Variants in EDIL3 observed in about 807,000 individuals in gnomAD.
EDIL3 encodes the protein EGF-like repeat and discoidin I-like domain-containing protein 3.
A neutral mutation model predicts 67.4 loss-of-function variants in EDIL3; 37 were observed. The observed-to-expected ratio is 0.55, with a 90% confidence interval of 0.42 to 0.72. The LOEUF is 0.72. EDIL3 is among the 30% of genes least tolerant of loss of function. The probability of loss-of-function intolerance (pLI) is 0.00; values close to 1 mark genes in which losing one functional copy is unlikely to be tolerated. For synonymous variants in EDIL3, 195 were observed against 196.3 expected, an observed-to-expected ratio of 0.99 and a Z score of 0.05; for missense variants, 527 against 586.3, an observed-to-expected ratio of 0.90 and a Z score of 1.04.
chr5:84,103,506 C>G (rs891808356), intron 6 of EDIL3, among the ~76,000 whole-genome samples: 1 of 151,482 alleles, frequency 6.6e-6, no homozygotes, highest in African/African-American at 2.4e-5. Flanking sequence ...CTATAAGAAA[C>G]TTAAATTTTC....
chr5:84,288,476 T>C (rs1442551064), intron 1 of EDIL3, among the ~76,000 whole-genome samples: 1 of 152,186 alleles, frequency 6.6e-6, no homozygotes, highest in Non-Finnish European at 1.5e-5. Flanking sequence ...AATTCTAAAA[T>C]TTAGCAGGGA....
rs752117404 is a variant in EDIL3, at chr5:84,180,451, T to C, written c.297A>G (p.Thr99=). Residue 99 remains threonine (T), a synonymous_variant, in exon 4 of 11, where the codon ACA becomes ACG. Coordinates refer to ENST00000296591, the MANE Select transcript of EDIL3 (RefSeq NM_005711.5). Reference sequence around the variant, plus strand: ...GACATTTACAAACATAGCCTATGAATGTATCCCCTCGGTATGCTTCACTTA... The same window carrying C: ...GACATTTACAAACATAGCCTATGAACGTATCCCCTCGGTATGCTTCACTTA... ...CEISEAYRGD[T]FIGYVCKCPR... 19 of 1,610,094 alleles carry C rather than the reference T, an allele frequency of 1.2e-5. No individual in the cohort carries two copies. In the East Asian group the frequency reaches 4.2e-4, roughly 36 times the overall value.
chr5:84,089,320 T>C (rs557728187), intron 6 of EDIL3, among the ~76,000 whole-genome samples: 1 of 152,340 alleles, frequency 6.6e-6, no homozygotes, highest in Admixed American at 6.5e-5. Context: ...TTCTCCAAGT[T>C]AATCAAAAAG....
At chr5:84,380,595 C>T (rs918369322) in intron 1 of EDIL3, among the ~76,000 whole-genome samples, 2 of 152,020 alleles carry the variant, frequency 1.3e-5, no homozygotes, top group African/African-American at 2.4e-5. Context: ...CAGTAAACAA[C>T]AAATATCAGA....
intron 1 of EDIL3, among the ~76,000 whole-genome samples, chr5:84,306,170 T>TC (rs1306802221): frequency 6.6e-6 from 1 of 152,190 alleles, no homozygotes; most frequent in East Asian, 1.9e-4. Flanking sequence ...TATATTTTTT[T>TC]CACTGTTGGT....
At chr5:84,007,447 T>C (rs747881869) in intron 9 of EDIL3, among the ~76,000 whole-genome samples, 1 of 152,008 alleles carries the variant, frequency 6.6e-6, no homozygotes, top group Non-Finnish European at 1.5e-5. Flanking sequence ...AATAATCTGA[T>C]CAGAAAATGG....
chr5:84,297,287 C>A (rs895151235), intron 1 of EDIL3, among the ~76,000 whole-genome samples: 1 of 150,384 alleles, frequency 6.6e-6, no homozygotes, highest in African/African-American at 2.4e-5. Flanking sequence ...AAAAGCTTAA[C>A]ATCACTGATC....
chr5:84,048,849 G>A (rs373307744), intron 9 of EDIL3, among the ~76,000 whole-genome samples: 176 of 152,042 alleles, frequency 1.2e-3, no homozygotes, highest in African/African-American at 2.0e-3. Context: ...GTTTAGTTCC[G>A]TGAACAAAAC....
chr5:84,027,377 AAC>A (rs1410513685), intron 9 of EDIL3, among the ~76,000 whole-genome samples: 1 of 152,192 alleles, frequency 6.6e-6, no homozygotes, highest in Non-Finnish European at 1.5e-5. Context: ...AGAGATTACA[AAC>A]ACAGCAGTCT....
chr5:84,053,926 GA>G (rs983328380), intron 9 of EDIL3, among the ~76,000 whole-genome samples: 79 of 152,184 alleles, frequency 5.2e-4, no homozygotes, highest in African/African-American at 1.9e-3. Context: ...CCAATCAATA[GA>G]AAAAGAGGGA....
chr5:84,231,573 C>T (rs1744578850), intron 2 of EDIL3, among the ~76,000 whole-genome samples: 1 of 128,888 alleles, frequency 7.8e-6, no homozygotes, highest in African/African-American at 2.6e-5. Flanking sequence ...GTTAAGGTTA[C>T]ATCTGCGCAG....
chr5:84,201,879 C>G (rs1561218755), intron 3 of EDIL3, among the ~76,000 whole-genome samples: 1 of 151,958 alleles, frequency 6.6e-6, no homozygotes, highest in Non-Finnish European at 1.5e-5. Context: ...GCACTTCATG[C>G]TATGATTAAG....
intron 2 of EDIL3, among the ~76,000 whole-genome samples, chr5:84,234,949 C>T (rs953199290): frequency 2.6e-5 from 4 of 151,888 alleles, no homozygotes; most frequent in African/African-American, 9.7e-5. Context: ...TATGCCTACC[C>T]AGATGTCAAG....
chr5:84,321,815 A>G (rs1331838109), intron 1 of EDIL3, among the ~76,000 whole-genome samples: 2 of 152,156 alleles, frequency 1.3e-5, no homozygotes, highest in Non-Finnish European at 2.9e-5. Flanking sequence ...TGACTTTCAG[A>G]ATATTTAAAG....
At chr5:84,161,073 C>T (rs1748605129) in intron 4 of EDIL3, among the ~76,000 whole-genome samples, 1 of 151,956 alleles carries the variant, frequency 6.6e-6, no homozygotes, top group Non-Finnish European at 1.5e-5. Flanking sequence ...CTCCCACTTA[C>T]AAATGAGAAC....
chr5:84,220,977 G>A (rs191010320), intron 3 of EDIL3, among the ~76,000 whole-genome samples: 56 of 152,222 alleles, frequency 3.7e-4, no homozygotes, highest in African/African-American at 1.3e-3. Context: ...AGGAATAACA[G>A]AAACCAGACT....
chr5:84,154,123 A>G (rs968818214), intron 4 of EDIL3, among the ~76,000 whole-genome samples: 2 of 152,226 alleles, frequency 1.3e-5, no homozygotes, highest in Non-Finnish European at 2.9e-5. Flanking sequence ...CGAAAAGAAA[A>G]TGAAACATGC....
chr5:83,956,927 G>A (rs758398593), intron 10 of EDIL3, among the ~76,000 whole-genome samples: 1 of 151,410 alleles, frequency 6.6e-6, no homozygotes, highest in African/African-American at 2.4e-5. Flanking sequence ...ATTTTTAGAC[G>A]ATTTGAAATA....
At chr5:84,360,325 C>T (rs1257582346) in intron 1 of EDIL3, among the ~76,000 whole-genome samples, 2 of 152,134 alleles carry the variant, frequency 1.3e-5, no homozygotes, top group African/African-American at 4.8e-5. Context: ...ACAGTTTGGA[C>T]CTTACAGAAA....
Sources: gnomAD v4.1 joint callset for allele counts (sites outside exome capture counted in the v4.1 genomes callset) on GRCh38, gnomAD v4.1.1 for gene constraint, MANE v1.5 for transcripts, NCBI Gene and HGNC (gene_info 2026-07-23, HGNC 2026-07-21) for gene names.